Variants in TENM3 observed in about 807,000 individuals in gnomAD.
TENM3 encodes the protein teneurin-3.
TENM3 carries 63 observed loss-of-function variants against 255.1 expected under a neutral mutation model. That is an observed-to-expected ratio of 0.25 (90% CI 0.20 to 0.30). TENM3 has a LOEUF of 0.30. Among genes scored for constraint, TENM3 ranks in the 10% least tolerant of loss-of-function variants. The pLI, the probability that TENM3 is intolerant of heterozygous loss-of-function variation, is 1.00. For synonymous variants in TENM3, 1,306 were observed against 1,322.3 expected (o/e 0.99, Z 0.27); for missense variants, 2,929 against 3,461.1 (o/e 0.85, Z 3.86).
chr4:182,659,851 T>A (rs756911924), intron 6 of TENM3, among the ~76,000 whole-genome samples: 13 of 152,142 alleles, frequency 8.5e-5, no homozygotes, highest in Non-Finnish European at 1.9e-4. Flanking sequence ...TGGCTGTACA[T>A]CACACCATAC....
chr4:182,045,421 G>T, the TENM3 span, among the ~76,000 whole-genome samples: 3 of 151,416 alleles, frequency 2.0e-5, no homozygotes, highest in African/African-American at 7.3e-5. Flanking sequence ...AGATTAAGAG[G>T]CTAAATAGAT....
At chr4:182,747,888 A>G (rs1762120060) in intron 19 of TENM3, among the ~76,000 whole-genome samples, 1 of 152,220 alleles carries the variant, frequency 6.6e-6, no homozygotes, top group African/African-American at 2.4e-5. Flanking sequence ...TTACCATAAA[A>G]GAAGCTGTTT....
intron 12 of TENM3, among the ~76,000 whole-genome samples, chr4:182,707,539 A>G (rs966341737): frequency 2.0e-5 from 3 of 152,248 alleles, no homozygotes; most frequent in Non-Finnish European, 2.9e-5. Flanking sequence ...AGGAATTCTT[A>G]AAAAGAAGCA....
chr4:182,059,745 C>CAAATAAAAAAAAAA, the TENM3 span, among the ~76,000 whole-genome samples: 1 of 43,186 alleles, frequency 2.3e-5, no homozygotes, highest in African/African-American at 9.6e-5. Context: ...TCTGTCTCTA[C>CAAATAAAAAAAAAA]AAAAAAAAAA....
the TENM3 span, among the ~76,000 whole-genome samples, chr4:181,504,596 A>G: frequency 6.6e-6 from 1 of 152,244 alleles, no homozygotes; most frequent in East Asian, 1.9e-4. Flanking sequence ...AGAATTCAGG[A>G]TAGTTCTAGC....
chr4:182,482,987 T>C (rs939784080), intron 3 of TENM3, among the ~76,000 whole-genome samples: 1 of 152,166 alleles, frequency 6.6e-6, no homozygotes, highest in Admixed American at 6.6e-5. Flanking sequence ...ATTAAGAATA[T>C]TACCCAAATT....
the TENM3 span, among the ~76,000 whole-genome samples, chr4:181,829,362 G>T: frequency 6.6e-6 from 1 of 152,134 alleles, no homozygotes; most frequent in East Asian, 1.9e-4. Flanking sequence ...GCTGATACCT[G>T]GATAGGAATA....
chr4:181,852,740 C>T, the TENM3 span, among the ~76,000 whole-genome samples: 10 of 152,196 alleles, frequency 6.6e-5, no homozygotes, highest in Non-Finnish European at 8.8e-5. Context: ...AAGCATTACA[C>T]ATATCATCTC....
chr4:182,203,078 G>C (rs563259063), intron 1 of TENM3, among the ~76,000 whole-genome samples: 3 of 152,166 alleles, frequency 2.0e-5, no homozygotes, highest in African/African-American at 7.2e-5. Flanking sequence ...TTAGCCAGGC[G>C]TAGTGGTGGG....
At chr4:182,185,235 A>T (rs551950749) in intron 1 of TENM3, among the ~76,000 whole-genome samples, 56 of 152,208 alleles carry the variant, frequency 3.7e-4, no homozygotes, top group Middle Eastern at 3.4e-3. Flanking sequence ...AATGTAACCT[A>T]TTTTCTCAGT....
chr4:182,200,488 A>G (rs115748588), intron 1 of TENM3, among the ~76,000 whole-genome samples: 1 of 152,328 alleles, frequency 6.6e-6, no homozygotes, highest in Non-Finnish European at 1.5e-5. Flanking sequence ...AGTACATCCA[A>G]TTCAACCTTT....
the TENM3 span, among the ~76,000 whole-genome samples, chr4:181,791,098 A>G: frequency 6.6e-6 from 1 of 152,220 alleles, no homozygotes; most frequent in African/African-American, 2.4e-5. Flanking sequence ...AACGGAGTCA[A>G]ACTGGAATGA....
chr4:182,651,801 T>A (rs963187658), intron 5 of TENM3, among the ~76,000 whole-genome samples: 8 of 146,622 alleles, frequency 5.5e-5, no homozygotes, highest in Non-Finnish European at 1.0e-4. Context: ...AGGGTAGATG[T>A]CGCTATCTAC....
chr4:181,938,141 A>T, the TENM3 span, among the ~76,000 whole-genome samples: 2 of 152,210 alleles, frequency 1.3e-5, no homozygotes, highest in Non-Finnish European at 1.5e-5. Flanking sequence ...TTGCTGCTAC[A>T]TGTGGCTAAG....
intron 3 of TENM3, among the ~76,000 whole-genome samples, chr4:182,406,329 A>G (rs1173509765): frequency 6.6e-6 from 1 of 152,120 alleles, no homozygotes; most frequent in Admixed American, 6.6e-5. Context: ...AAAATAAATA[A>G]AAAATAAGGC....
Position 182,719,343 on chromosome 4 carries a change from C to G in TENM3, c.2368+5110C>G, listed in dbSNP as rs376682875. On this transcript the variant is annotated intron_variant, in intron 13 of 27. Coordinates refer to ENST00000511685, the MANE Select transcript of TENM3 (RefSeq NM_001080477.4). ...ATGGCGTGGTCTCGGCTCACTGCAACCTCCGCCTGCCGGGTTCAAGGGATT... is the reference window on the plus strand; with the variant it reads ...ATGGCGTGGTCTCGGCTCACTGCAAGCTCCGCCTGCCGGGTTCAAGGGATT... Among the ~76,000 whole-genome samples, 8 of 138,924 alleles carry G rather than the reference C, an allele frequency of 5.8e-5. 1 individual carries two copies. In the East Asian group the frequency reaches 1.1e-3, roughly 19 times the overall value. The allele number at this position is 138,924 out of a possible 152,430, so 91.1% of individuals were successfully genotyped here.
intron 3 of TENM3, among the ~76,000 whole-genome samples, chr4:182,462,298 A>G (rs562322970): frequency 4.6e-5 from 7 of 152,090 alleles, no homozygotes; most frequent in South Asian, 2.1e-4. Context: ...GGCTCAAACA[A>G]TCCTCCCACC....
the TENM3 span, among the ~76,000 whole-genome samples, chr4:181,717,182 C>T: frequency 2.0e-5 from 3 of 152,136 alleles, no homozygotes; most frequent in African/African-American, 7.2e-5. Context: ...TGTCGAGCCC[C>T]TTGCTGAATG....
the TENM3 span, among the ~76,000 whole-genome samples, chr4:182,028,729 T>A: frequency 6.6e-6 from 1 of 152,240 alleles, no homozygotes; most frequent in African/African-American, 2.4e-5. Context: ...GCATATTGTT[T>A]AATTTGCTTG....
Sources: gnomAD v4.1 joint callset for allele counts (sites outside exome capture counted in the v4.1 genomes callset) on GRCh38, gnomAD v4.1.1 for gene constraint, MANE v1.5 for transcripts, NCBI Gene and HGNC (gene_info 2026-07-23, HGNC 2026-07-21) for gene names.